Variants in NOL8 observed in about 807,000 individuals in gnomAD.
The protein encoded by NOL8 is nucleolar protein Nop132.
Under a neutral mutation model 116.1 loss-of-function variants are expected in NOL8, and 93 were observed. The ratio of observed to expected loss-of-function variants is 0.80; its 90% confidence interval spans 0.68 to 0.95. The LOEUF (loss-of-function observed/expected upper bound fraction) is 0.95. Among genes scored for constraint, NOL8 ranks in the 40% least tolerant of loss-of-function variants. NOL8 has a pLI of 0.00. For missense variants in NOL8, 1,291 were observed against 1,382.8 expected (o/e 0.93, Z 1.05); for synonymous variants, 419 against 469.0 (o/e 0.89, Z 1.38).
Position 92,301,586 on chromosome 9 carries a change from G to C in NOL8, c.3140C>G (p.Ser1047Cys). Residue 1047 changes from serine to cysteine, a missense_variant, in exon 13 of 17, where the codon TCT becomes TGT. Coordinates refer to ENST00000442668, the MANE Select transcript of NOL8 (RefSeq NM_017948.6). ...GTCTTTAGTGTCTGAATCAAAAAAA[G>C]AGAACGTGAACCCGCTGGGCTGCTC... ...DAEQPSGFTF[S>C]FFDSDTKDIK... 6.2e-7 allele frequency: 1 copy of C among 1,603,504 alleles called. No homozygotes were observed. Among genetic ancestry groups the C allele is most frequent in the Non-Finnish European group, 8.5e-7 (1 of 1,175,818 alleles).
Position 92,300,015 on chromosome 9 carries a change from C to T in NOL8, c.3177G>A (p.Glu1059=). 6.2e-7 allele frequency: 1 copy of T among 1,612,756 alleles called. No individual in the cohort carries two copies. Among genetic ancestry groups the T allele is most frequent in the Non-Finnish European group, 8.5e-7 (1 of 1,179,168 alleles). The change falls in exon 14 of 17, where the codon GAG becomes GAA. Residue 1059 remains glutamate, a splice_region_variant and synonymous_variant. Transcript: ENST00000442668. ...FDSDTKDIKE[E]TYRVETVKPG... ...GTTTCACTGTTTCAACTCTGTAGGTCTCTATATCGTTATGACAACAAAAGA... is the reference window on the plus strand; with the variant it reads ...GTTTCACTGTTTCAACTCTGTAGGTTTCTATATCGTTATGACAACAAAAGA...
intron 6 of NOL8, among the ~76,000 whole-genome samples, chr9:92,316,420 G>A (rs1431220881): frequency 1.3e-5 from 2 of 152,088 alleles, no homozygotes; most frequent in African/African-American, 4.8e-5. Flanking sequence ...TTATATTATA[G>A]GTACACAGGT....
In NOL8 at chr9:92,321,708, T is replaced by C. The variant is rs1247593151; in HGVS notation, c.241A>G (p.Thr81Ala). The C allele has an allele frequency of 2.0e-6, 3 of 1,531,792 alleles. No homozygotes were observed. Among genetic ancestry groups the C allele is most frequent in the East Asian group, 4.9e-5 (2 of 40,424 alleles). 94.9% of individuals were successfully genotyped at this position (1,531,792 alleles called of 1,614,324 possible). A position where few individuals can be genotyped will look rare whatever the true frequency, so the allele number is the denominator to read the frequency against. ...VLNKTKWKGGTLQIQLAKESF... is the reference protein window; with the variant it reads ...VLNKTKWKGGALQIQLAKESF... ...TCTTTTGCTAGTTGAATTTGTAATG[T>C]TCCACCTTTCCATTTTGTTTTATTT... Residue 81 changes from threonine (T) to alanine (A), a missense_variant, in exon 4 of 17, where the codon ACA becomes GCA. By Grantham distance (58) the Thr-to-Ala change is moderately conservative. Transcript: ENST00000442668.
intron 3 of NOL8, among the ~76,000 whole-genome samples, chr9:92,322,357 A>C (rs1365628967): frequency 6.6e-6 from 1 of 152,150 alleles, no homozygotes; most frequent in Non-Finnish European, 1.5e-5. Context: ...TACTGTACTA[A>C]GTACAAATTT....
rs3736836 is a variant in NOL8, at chr9:92,298,348, A to T, written c.3374-12T>A. 2.0e-5 allele frequency: 31 copies of T among 1,570,386 alleles called. No homozygotes were observed. The highest frequency in any genetic ancestry group is 2.5e-5 in the Non-Finnish European group (29 of 1,154,284). ...GAATAAGTCAGAACCTATTAGGGGA[A>T]AAAGAAGAAAGATGAGGCAGCAAAC... On this transcript the variant is annotated splice_polypyrimidine_tract_variant and intron_variant, in intron 15 of 16. Coordinates refer to ENST00000442668, the MANE Select transcript of NOL8 (RefSeq NM_017948.6).
At chr9:92,306,256 A>T (rs556869946) in intron 11 of NOL8, among the ~76,000 whole-genome samples, 1 of 152,286 alleles carries the variant, frequency 6.6e-6, no homozygotes, top group African/African-American at 2.4e-5. Flanking sequence ...AGCCTCCCAA[A>T]GTGCTAGGAT....
At chr9:92,303,553 A>G (rs1205641014) in intron 12 of NOL8, among the ~76,000 whole-genome samples, 1 of 152,178 alleles carries the variant, frequency 6.6e-6, no homozygotes, top group African/African-American at 2.4e-5. Context: ...AGTCTTATCT[A>G]TTTACTATCT....
chr9:92,323,290 G>T, intron 3 of NOL8, 151 bp downstream of exon 3: 1 of 1,534,236 alleles, frequency 6.5e-7, no homozygotes, highest in Non-Finnish European at 8.7e-7. Flanking sequence ...TAAACCTGCT[G>T]AGTTATACGA....
At chr9:92,300,812 T>C in intron 13 of NOL8, 1 of 944,084 alleles carries the variant, frequency 1.1e-6, no homozygotes, top group Non-Finnish European at 1.3e-6. Flanking sequence ...AGACTCTGTC[T>C]CCAAAAAAAA....
intron 4 of NOL8, chr9:92,319,951 T>C (rs1839784791): frequency 4.8e-6 from 2 of 418,434 alleles, no homozygotes; most frequent in Middle Eastern, 3.5e-4. Flanking sequence ...ACCTGTGCTC[T>C]GCTCCAGTGG....
chr9:92,301,513 T>G, intron 13 of NOL8, 38 bp downstream of exon 13: 1 of 1,475,334 alleles, frequency 6.8e-7, no homozygotes, highest in Non-Finnish European at 9.1e-7. Flanking sequence ...AAGTTCAAAC[T>G]GAATAAAATA....
intron 16 of NOL8, among the ~76,000 whole-genome samples, 161 bp downstream of exon 16, chr9:92,298,096 G>A (rs1029586716): frequency 2.0e-5 from 3 of 152,246 alleles, no homozygotes; most frequent in East Asian, 1.9e-4. Flanking sequence ...TGATGCTTTC[G>A]TGTTACTTAA....
At position 92,314,856 on chromosome 9, in the gene NOL8, T is replaced by G. The variant is rs755467810; in HGVS notation, c.1769A>C (p.Lys590Thr). 2.5e-5 allele frequency: 40 copies of G among 1,613,318 alleles called. No individual in the cohort carries two copies. The highest frequency in any genetic ancestry group is 3.3e-5 in the Admixed American group (2 of 59,948). The change falls in exon 7 of 17, where the codon AAA (lysine) becomes ACA (threonine). Residue 590 changes from lysine (K) to threonine (T), a missense_variant. By Grantham distance (78) the Lys-to-Thr change is moderately conservative (BLOSUM62 -1). Coordinates refer to ENST00000442668, the MANE Select transcript of NOL8 (RefSeq NM_017948.6). ...YEKESMKKSL[K>T]DSVASNNKDQ... Reference sequence around the variant, plus strand: ...TTTATTGTTAGAGGCAACACTGTCTTTCAAGGATTTTTTCATTGACTCCTT... The same window carrying G: ...TTTATTGTTAGAGGCAACACTGTCTGTCAAGGATTTTTTCATTGACTCCTT...
chr9:92,323,326 GT>G, intron 3 of NOL8, 114 bp downstream of exon 3: 1 of 1,542,478 alleles, frequency 6.5e-7, no homozygotes, highest in Non-Finnish European at 8.7e-7. Flanking sequence ...CATCACTGCT[GT>G]CCCTCTGGAT....
intron 4 of NOL8, among the ~76,000 whole-genome samples, chr9:92,320,819 C>A (rs2130736937): frequency 6.6e-6 from 1 of 152,270 alleles, no homozygotes; most frequent in South Asian, 2.1e-4. Flanking sequence ...TTTAGCCAGG[C>A]TGGTCTTGAA....
Position 92,311,252 on chromosome 9 carries a change from T to A in NOL8, c.2366A>T (p.His789Leu). The change falls in exon 8 of 17, where the codon CAT becomes CTT. Residue 789 changes from histidine to leucine, a missense_variant. Transcript: ENST00000442668. ...VHNALANLDG[H>L]PEDKPTHIIF... Reference sequence around the variant, plus strand: ...GATGTGCGTTGGCTTATCCTCTGGATGACCATCCTAGGGAGGCCATCGAAA... The same window carrying A: ...GATGTGCGTTGGCTTATCCTCTGGAAGACCATCCTAGGGAGGCCATCGAAA... The A allele has an allele frequency of 6.2e-7, 1 of 1,612,508 alleles. No individual in the cohort carries two copies. Among genetic ancestry groups the A allele is most frequent in the Non-Finnish European group, 8.5e-7 (1 of 1,178,870 alleles).
intron 3 of NOL8, 51 bp downstream of exon 3, chr9:92,323,390 A>G: frequency 6.5e-7 from 1 of 1,549,122 alleles, no homozygotes; most frequent in Non-Finnish European, 8.8e-7. Flanking sequence ...ATTCCAAGTT[A>G]CAGAGTCATA....
In NOL8 at chr9:92,314,878, C is replaced by G; in HGVS notation, c.1747G>C (p.Glu583Gln). Residue 583 changes from glutamate (E) to glutamine (Q), a missense_variant, in exon 7 of 17, where the codon GAG (glutamate) becomes CAG (glutamine). Glu to Gln is a conservative substitution (Grantham distance 29). Coordinates refer to ENST00000442668, the MANE Select transcript of NOL8 (RefSeq NM_017948.6). ...FKGVGCLYEKESMKKSLKDSV... is the reference protein window; with the variant it reads ...FKGVGCLYEKQSMKKSLKDSV... ...TCTTTCAAGGATTTTTTCATTGACT[C>G]CTTTTCATATAGACAGCCTACTCCC... 2 of 1,613,516 alleles carry G rather than the reference C, an allele frequency of 1.2e-6. No individual in the cohort carries two copies. The highest frequency in any genetic ancestry group is 1.7e-6 in the Non-Finnish European group (2 of 1,179,800).
intron 10 of NOL8, among the ~76,000 whole-genome samples, chr9:92,307,480 T>C (rs1227098161): frequency 6.6e-6 from 1 of 152,170 alleles, no homozygotes; most frequent in Non-Finnish European, 1.5e-5. Flanking sequence ...TTTCAGTCTT[T>C]GATTCAATAA....
Sources: gnomAD v4.1 joint callset for allele counts (sites outside exome capture counted in the v4.1 genomes callset) on GRCh38, gnomAD v4.1.1 for gene constraint, MANE v1.5 for transcripts, NCBI Gene and HGNC (gene_info 2026-07-23, HGNC 2026-07-21) for gene names.